The following DYRK4 variants were observed in gnomAD, a reference collection of about 807,000 sequenced individuals.
DYRK4 encodes the protein dual specificity tyrosine phosphorylation regulated kinase 4, also known as dual specificity tyrosine-phosphorylation-regulated kinase 4.
In DYRK4, 64 loss-of-function variants were observed where a neutral mutation model predicts 68.3. The ratio of observed to expected loss-of-function variants is 0.94; its 90% CI spans 0.77 to 1.15. The LOEUF (loss-of-function observed/expected upper bound fraction) is 1.15. Among genes scored for constraint, DYRK4 ranks in the 50% most tolerant of loss-of-function variants. DYRK4 has a pLI of 0.00. For missense variants in DYRK4, 740 were observed against 764.7 expected (o/e 0.97, Z 0.38); for synonymous variants, 274 against 289.9 (o/e 0.95, Z 0.56).
chr12:4,584,961 T>C (rs776320501), intron 2 of DYRK4, among the ~76,000 whole-genome samples: 2 of 151,946 alleles, frequency 1.3e-5, no homozygotes, highest in Non-Finnish European at 2.9e-5. Flanking sequence ...ACAAAAGAAG[T>C]GTGAGAACCC....
chr12:4,590,803 T>A (rs191374145), intron 4 of DYRK4: 6 of 393,894 alleles, frequency 1.5e-5, no homozygotes, highest in Non-Finnish European at 1.8e-5. Context: ...GAAAGAGGCG[T>A]CACACACACA....
chr12:4,595,379 T>C (rs1392241215), intron 6 of DYRK4, among the ~76,000 whole-genome samples: 1 of 152,202 alleles, frequency 6.6e-6, no homozygotes, highest in African/African-American at 2.4e-5. Flanking sequence ...GATAATCTCA[T>C]CCAGCATCTT....
intron 2 of DYRK4, among the ~76,000 whole-genome samples, chr12:4,571,703 A>T (rs1034475782): frequency 2.0e-5 from 3 of 152,244 alleles, no homozygotes; most frequent in African/African-American, 7.2e-5. Context: ...ATGTTAAAAT[A>T]GTATTTTGAA....
chr12:4,562,541 T>C (rs1004588976), intron 1 of DYRK4, among the ~76,000 whole-genome samples: 1 of 152,258 alleles, frequency 6.6e-6, no homozygotes, highest in Admixed American at 6.5e-5. Flanking sequence ...CATCGGCGAC[T>C]CCAGCTGAGT....
rs1235482567 is a variant in DYRK4 at position 4,567,955 on chromosome 12, G to T, written c.39G>T (p.Lys13Asn). 4 of 1,536,006 alleles carry T rather than the reference G, an allele frequency of 2.6e-6. No individual in the cohort carries two copies. The highest frequency in any genetic ancestry group is 4.9e-5 in the East Asian group (2 of 40,918). Residue 13 changes from lysine to asparagine, a missense_variant and splice_region_variant, in exon 2 of 15, where the codon AAG (lysine) becomes AAT (asparagine). This residue lies in a region of DYRK4 where 70 missense variants were observed against 71.1 expected (regional missense o/e 0.98). Transcript: ENST00000543431. ...TTATTTTTTACTTTCCCTCATGCAG[G>T]ACTCAAATGGATGCTAAAAAGCCAA... is the stretch of plus-strand genomic sequence containing the variant. ...LLPPPIRTGT[K>N]TQMDAKKPRK...
intron 12 of DYRK4, 78 bp from the exon 13 acceptor site, chr12:4,610,077 G>T: frequency 7.4e-7 from 1 of 1,357,700 alleles, no homozygotes; most frequent in Non-Finnish European, 9.9e-7. Context: ...AGCTACAGAG[G>T]CCACTCTAAG....
intron 9 of DYRK4, 132 bp from the exon 10 acceptor site, chr12:4,599,575 A>T: frequency 1.5e-6 from 1 of 647,776 alleles, no homozygotes; most frequent in Non-Finnish European, 2.7e-6. Context: ...GGGATTTTGG[A>T]GAGGATGTGG....
intron 2 of DYRK4, among the ~76,000 whole-genome samples, chr12:4,581,487 A>G (rs1409716176): frequency 6.6e-6 from 1 of 152,214 alleles, no homozygotes; most frequent in African/African-American, 2.4e-5. Context: ...AGGGGGCATG[A>G]GCAGAGAAGA....
intron 2 of DYRK4, among the ~76,000 whole-genome samples, chr12:4,576,185 C>T (rs1486385803): frequency 6.6e-6 from 1 of 152,154 alleles, no homozygotes; most frequent in East Asian, 1.9e-4. Context: ...TCATCCTTTC[C>T]CCCCAACAAC....
At chr12:4,590,786 G>T in intron 4 of DYRK4, 1 of 386,852 alleles carries the variant, frequency 2.6e-6, no homozygotes, top group Non-Finnish European at 4.5e-6. Flanking sequence ...GTGCGAAGGT[G>T]CCAACTGAAA....
intron 2 of DYRK4, among the ~76,000 whole-genome samples, chr12:4,568,779 T>C (rs1414285682): frequency 6.6e-6 from 1 of 152,214 alleles, no homozygotes; most frequent in Non-Finnish European, 1.5e-5. Flanking sequence ...GTTAAAATTG[T>C]GATGGGATGA....
intron 3 of DYRK4, 79 bp from the exon 4 acceptor site, chr12:4,590,251 G>A: frequency 2.1e-6 from 3 of 1,462,584 alleles, no homozygotes; most frequent in Non-Finnish European, 2.7e-6. Context: ...GAATTGGGAA[G>A]GGAGGCTGGA....
At chr12:4,569,401 C>T (rs2137320759) in intron 2 of DYRK4, among the ~76,000 whole-genome samples, 1 of 152,204 alleles carries the variant, frequency 6.6e-6, no homozygotes, top group Admixed American at 6.5e-5. Context: ...TTTATTTTAG[C>T]AAAATCATCA....
rs527536001 is a variant in DYRK4 at position 4,595,481 on chromosome 12, A to C, written c.628-668A>C. On this transcript the variant is annotated intron_variant, in intron 6 of 14. Coordinates refer to ENST00000543431, the MANE Select transcript of DYRK4 (RefSeq NM_001394779.1). ...TAATAGAAAATTTCCTGTGGTTTTG[A>C]TTAACCCCCTGCTCCCTAGTTTCCA... Among the ~76,000 whole-genome samples, 6 of 152,292 alleles carry C rather than the reference A, an allele frequency of 3.9e-5. No individual in the cohort carries two copies. The South Asian group carries it at 1.2e-3, about 32-fold the overall frequency.
Position 4,602,424 on chromosome 12 carries a change from G to A in DYRK4, c.1127-2490G>A. Reference sequence around the variant, plus strand: ...AAGACAGTATGTTGAGGTCACTGATGAGATATGTGCAGACTGTCCTGATTA... The same window carrying A: ...AAGACAGTATGTTGAGGTCACTGATAAGATATGTGCAGACTGTCCTGATTA... On this transcript the variant is annotated intron_variant, in intron 10 of 14. Coordinates refer to ENST00000543431, the MANE Select transcript of DYRK4 (RefSeq NM_001394779.1). The A allele has an allele frequency of 7.0e-6, 7 of 1,000,716 alleles. No individual in the cohort carries two copies. In the South Asian group the frequency reaches 8.9e-5, roughly 13 times the overall value. 62.0% of individuals were successfully genotyped at this position (1,000,716 alleles called of 1,614,324 possible). A position where few individuals can be genotyped will look rare whatever the true frequency, so the allele number is the denominator to read the frequency against.
chr12:4,576,203 CT>C (rs1944787767), intron 2 of DYRK4, among the ~76,000 whole-genome samples: 2 of 152,224 alleles, frequency 1.3e-5, no homozygotes, highest in South Asian at 4.1e-4. Flanking sequence ...AACAAAACCC[CT>C]GGCAACCACT....
At chr12:4,592,885 C>A in intron 5 of DYRK4, 117 bp from the exon 6 acceptor site, 1 of 1,292,488 alleles carries the variant, frequency 7.7e-7, no homozygotes. Flanking sequence ...CTCAGTGAGC[C>A]ACCCAGCTGG....
chr12:4,562,228 G>A lies in DYRK4; in HGVS notation c.-18G>A. The A allele has an allele frequency of 1.3e-6, 2 of 1,525,066 alleles. No homozygotes were observed. The highest frequency in any genetic ancestry group is 1.8e-6 in the Non-Finnish European group (2 of 1,141,628). The allele number at this position is 1,525,066 out of a possible 1,614,324, so 94.5% of individuals were successfully genotyped here. On this transcript the variant is annotated 5_prime_UTR_variant, in exon 1 of 15. Coordinates refer to ENST00000543431, the MANE Select transcript of DYRK4 (RefSeq NM_001394779.1). The stretch of plus-strand genomic sequence containing the variant: ...CTCTCACAGCCTCCCGCAGCGGCGG[G>A]CGGTCAGCGCCGGCCTCATGCAGCT...
chr12:4,562,589 G>A (rs184440089), intron 1 of DYRK4, among the ~76,000 whole-genome samples: 1 of 152,370 alleles, frequency 6.6e-6, no homozygotes, highest in Non-Finnish European at 1.5e-5. Flanking sequence ...GAACTCAGCA[G>A]ACCTATCCTG....
Sources: allele counts gnomAD v4.1 joint callset (sites outside exome capture counted in the v4.1 genomes callset), GRCh38; gene constraint gnomAD v4.1.1; regional missense constraint gnomAD v4.1.1; transcripts MANE v1.5; gene names NCBI Gene and HGNC (gene_info 2026-07-23, HGNC 2026-07-21).